The following RERG variants were observed in gnomAD, a reference collection of about 807,000 sequenced individuals.
The protein encoded by RERG is RAS like estrogen regulated growth inhibitor.
A neutral mutation model predicts 23.2 loss-of-function variants in RERG; 25 were observed. That is an observed-to-expected ratio of 1.08 (90% CI 0.79 to 1.50). The LOEUF is 1.50. Among genes scored for constraint, RERG ranks in the 40% most tolerant of loss-of-function variants. RERG has a pLI of 0.00. For missense variants in RERG, 253 were observed against 250.1 expected (o/e 1.01, Z -0.08); for synonymous variants, 81 against 89.1 (o/e 0.91, Z 0.51).
At chr12:15,150,484 T>A (rs537540714) in intron 2 of RERG, among the ~76,000 whole-genome samples, 1 of 152,210 alleles carries the variant, frequency 6.6e-6, no homozygotes, top group Non-Finnish European at 1.5e-5. Context: ...AGGATTGTTA[T>A]GAGGAGTAAA....
At chr12:15,178,623 T>C (rs1864884053) in intron 2 of RERG, among the ~76,000 whole-genome samples, 2 of 152,168 alleles carry the variant, frequency 1.3e-5, no homozygotes, top group African/African-American at 4.8e-5. Flanking sequence ...TGAGTCTCAA[T>C]TTCCTCATCT....
At chr12:15,168,594 T>C (rs780605203) in intron 2 of RERG, among the ~76,000 whole-genome samples, 4 of 152,194 alleles carry the variant, frequency 2.6e-5, no homozygotes, top group Non-Finnish European at 4.4e-5. Flanking sequence ...TTCTCTGTGA[T>C]GGATTGTTAG....
intron 2 of RERG, among the ~76,000 whole-genome samples, chr12:15,165,991 GGGA>G (rs1864681328): frequency 1.3e-5 from 2 of 152,160 alleles, no homozygotes; most frequent in African/African-American, 4.8e-5. Flanking sequence ...ATAAGAGACT[GGGA>G]GAGGTTGTGC....
At chr12:15,126,127 C>CAATATATATATATA (rs1175601997) in intron 2 of RERG, among the ~76,000 whole-genome samples, 3 of 34,548 alleles carry the variant, frequency 8.7e-5, no homozygotes, top group Admixed American at 7.3e-4. Context: ...GTTGTATATA[C>CAATATATATATATA]CATATATATA....
chr12:15,179,218 T>C (rs1406236913), intron 2 of RERG, among the ~76,000 whole-genome samples: 1 of 152,200 alleles, frequency 6.6e-6, no homozygotes, highest in Non-Finnish European at 1.5e-5. Context: ...TAAATCTCTC[T>C]ATTGTCTTTT....
At chr12:15,118,176 T>C (rs1863765751) in intron 3 of RERG, among the ~76,000 whole-genome samples, 1 of 152,126 alleles carries the variant, frequency 6.6e-6, no homozygotes, top group East Asian at 1.9e-4. Context: ...CCTAATTGAA[T>C]TATTAGGATA....
chr12:15,122,606 G>A (rs1018231252), intron 2 of RERG, among the ~76,000 whole-genome samples: 8 of 152,170 alleles, frequency 5.3e-5, no homozygotes, highest in Non-Finnish European at 1.2e-4. Context: ...TGTACTTGTG[G>A]TTTTATCTGC....
intron 2 of RERG, among the ~76,000 whole-genome samples, chr12:15,158,821 CA>C (rs1368848993): frequency 1.3e-5 from 2 of 152,090 alleles, no homozygotes; most frequent in Non-Finnish European, 2.9e-5. Context: ...TCATTGGTGA[CA>C]TGAACTTTAT....
chr12:15,162,622 G>A (rs922942866), intron 2 of RERG, among the ~76,000 whole-genome samples: 1 of 152,208 alleles, frequency 6.6e-6, no homozygotes, highest in South Asian at 2.1e-4. Context: ...AAAGGCAGCA[G>A]AGAAGCCTTT....
intron 2 of RERG, among the ~76,000 whole-genome samples, chr12:15,162,436 A>T (rs1215436382): frequency 6.6e-6 from 1 of 152,222 alleles, no homozygotes; most frequent in African/African-American, 2.4e-5. Flanking sequence ...TCCATAATTA[A>T]GAACCCCATT....
intron 2 of RERG, chr12:15,138,037 A>T: frequency 3.4e-6 from 1 of 290,948 alleles, no homozygotes; most frequent in Non-Finnish European, 6.9e-6. Flanking sequence ...AGGGTATAGA[A>T]TTCTAGGTCG....
chr12:15,145,950 C>T (rs147291244), intron 2 of RERG, among the ~76,000 whole-genome samples: 26 of 152,280 alleles, frequency 1.7e-4, no homozygotes, highest in African/African-American at 6.0e-4. Flanking sequence ...GAAATTTGCA[C>T]CAGACACATG....
At chr12:15,133,431 G>A (rs1369175940) in intron 2 of RERG, among the ~76,000 whole-genome samples, 1 of 151,730 alleles carries the variant, frequency 6.6e-6, no homozygotes, top group Non-Finnish European at 1.5e-5. Context: ...GCTCCTTTCT[G>A]TTTAGTGCTG....
chr12:15,153,871 T>C (rs1003948676), intron 2 of RERG, among the ~76,000 whole-genome samples: 6 of 152,170 alleles, frequency 3.9e-5, no homozygotes, highest in African/African-American at 1.2e-4. Context: ...CAAGCTAAGA[T>C]GATTTCATTG....
At chr12:15,190,321 A>G (rs1271185475) in intron 2 of RERG, among the ~76,000 whole-genome samples, 1 of 151,970 alleles carries the variant, frequency 6.6e-6, no homozygotes, top group Non-Finnish European at 1.5e-5. Flanking sequence ...CTTTAAAAAA[A>G]TCACAAAAGA....
chr12:15,125,086 A>T (rs1863913567), intron 2 of RERG, among the ~76,000 whole-genome samples: 1 of 152,012 alleles, frequency 6.6e-6, no homozygotes, highest in Non-Finnish European at 1.5e-5. Flanking sequence ...CCTTCACAAA[A>T]AAATACATAG....
At chr12:15,220,286 A>G (rs1044907029) in intron 1 of RERG, among the ~76,000 whole-genome samples, 2 of 152,146 alleles carry the variant, frequency 1.3e-5, no homozygotes, top group East Asian at 1.9e-4. Flanking sequence ...GGACAAAAAC[A>G]TCTCAGCTGC....
chr12:15,155,336 A>G (rs1166425235), intron 2 of RERG: 3 of 152,268 alleles, frequency 2.0e-5, no homozygotes, highest in Non-Finnish European at 4.4e-5. Context: ...AGGACAACTT[A>G]AGGTTTCCGC....
intron 3 of RERG, 27 bp from the exon 4 acceptor site, chr12:15,111,444 C>T (rs1391890105): frequency 1.9e-6 from 3 of 1,548,792 alleles, no homozygotes. Context: ...ATAAAAAAGA[C>T]AAAAAGATAA....
Sources: allele counts gnomAD v4.1 joint callset (sites outside exome capture counted in the v4.1 genomes callset), GRCh38; gene constraint gnomAD v4.1.1; transcripts MANE v1.5; gene names NCBI Gene and HGNC (gene_info 2026-07-23, HGNC 2026-07-21).